SLC23A1: variants seen among roughly 807,000 people sequenced by gnomAD.
SLC23A1 encodes Na(+)/L-ascorbic acid transporter 1.
In SLC23A1, 31 loss-of-function variants were observed where a neutral mutation model predicts 62.5. The observed-to-expected ratio is 0.50, with a 90% CI of 0.37 to 0.67. The LOEUF is 0.67. Among genes scored for constraint, SLC23A1 ranks in the 30% least tolerant of loss-of-function variants. SLC23A1 has a pLI of 0.00. For missense variants in SLC23A1, 640 were observed against 782.7 expected, an observed-to-expected ratio of 0.82 and a Z score of 2.18; for synonymous variants, 271 against 313.2, an observed-to-expected ratio of 0.87 and a Z score of 1.42.
upstream of SLC23A1, chr5:139,384,255 G>A (rs1488539861): frequency 6.6e-6 from 6 of 915,592 alleles, no homozygotes; most frequent in South Asian, 1.7e-5. Context: ...ATGGGGAGGG[G>A]CCCTAAGAAC....
At chr5:139,383,120 G>A (rs993166339) in intron 1 of SLC23A1, 98 bp downstream of exon 1, 19 of 789,630 alleles carry the variant, frequency 2.4e-5, no homozygotes, top group Non-Finnish European at 3.4e-5. Flanking sequence ...AAGTTCATCA[G>A]AACGTTTATC....
intron 14 of SLC23A1, among the ~76,000 whole-genome samples, chr5:139,370,758 G>T (rs1757614635): frequency 6.6e-6 from 1 of 151,764 alleles, no homozygotes; most frequent in Non-Finnish European, 1.5e-5. Context: ...AAAGATTCTT[G>T]AATGTGGCTT....
Position 139,378,149 on chromosome 5 carries a change from C to T in SLC23A1, c.1310-31G>A, listed in dbSNP as rs1758037041. ...GGCGCAAGAGAACGGCTGGAGGCGC[C>T]GCACACGCGTAATCCAGGTGAGTCC... On this transcript the variant is annotated intron_variant, in intron 11 of 14. Coordinates refer to ENST00000348729, the MANE Select transcript of SLC23A1 (RefSeq NM_005847.5). This position sits in a 1 kb window ranked among gnomAD's most constrained non-coding sequence, Gnocchi z 4.5. 1 of 1,613,822 alleles carries T rather than the reference C, an allele frequency of 6.2e-7. No individual in the cohort carries two copies. Among genetic ancestry groups the T allele is most frequent in the Non-Finnish European group, 8.5e-7 (1 of 1,179,896 alleles).
chr5:139,376,471 A>G (rs571679562), intron 13 of SLC23A1, among the ~76,000 whole-genome samples: 1 of 152,284 alleles, frequency 6.6e-6, no homozygotes, highest in African/African-American at 2.4e-5. Context: ...CTCGGCCGTG[A>G]TGTTTTAATT....
chr5:139,380,343 C>T lies in SLC23A1; in HGVS notation c.512G>A (p.Gly171Asp). The T allele has an allele frequency of 6.2e-7, 1 of 1,611,996 alleles. No individual in the cohort carries two copies. Among genetic ancestry groups the T allele is most frequent in the East Asian group, 2.2e-5 (1 of 44,814 alleles). ...MVSSVVEVVIGLLGLPGALLN... is the reference protein window; with the variant it reads ...MVSSVVEVVIDLLGLPGALLN... The stretch of plus-strand genomic sequence containing the variant: ...CAGGGCCCCAGGCAGCCCCAGCAGG[C>T]CAATCACCACCTCCACCACGCTGGA... Residue 171 changes from glycine to aspartate, a missense_variant, in exon 6 of 15, where the codon GGC (glycine) becomes GAC (aspartate). Coordinates refer to ENST00000348729, the MANE Select transcript of SLC23A1 (RefSeq NM_005847.5).
rs942861432 is a variant in SLC23A1 at position 139,383,233 on chromosome 5, G to A, written c.21C>T (p.Leu7=). Residue 7 remains leucine (L), a synonymous_variant, in exon 1 of 15, where the codon CTC becomes CTT. Coordinates refer to ENST00000348729, the MANE Select transcript of SLC23A1 (RefSeq NM_005847.5). ...CCCCCAGCACCTGTGTCCGGCCCTC[G>A]AGGTCCTCCTGGGCCCTCATCTTTG... MRAQED[L]EGRTQHETTR... is the part of the protein sequence containing the mutation. The A allele has an allele frequency of 7.0e-7, 1 of 1,430,468 alleles. No individual in the cohort carries two copies. The allele number at this position is 1,430,468 out of a possible 1,614,324, so 88.6% of individuals were successfully genotyped here.
At chr5:139,380,986 G>A (rs1355174336) in intron 3 of SLC23A1, 100 bp from the exon 4 acceptor site, 3 of 650,842 alleles carry the variant, frequency 4.6e-6, no homozygotes, top group African/African-American at 3.6e-5. Context: ...CAGAGAGAGT[G>A]ACAGAGACAC....
intron 14 of SLC23A1, 149 bp downstream of exon 14, chr5:139,371,838 T>C (rs1757686125): frequency 1.2e-5 from 8 of 683,204 alleles, no homozygotes; most frequent in Non-Finnish European, 2.0e-5. Context: ...AAAATCCGTA[T>C]GTTGACTTTT....
rs1272005154 is a variant in SLC23A1 at position 139,378,199 on chromosome 5, C to T, written c.1309+23G>A. The T allele has an allele frequency of 6.8e-6, 11 of 1,612,688 alleles. No individual in the cohort carries two copies. Among genetic ancestry groups the T allele is most frequent in the South Asian group, 2.2e-5 (2 of 90,950 alleles). On this transcript the variant is annotated intron_variant, in intron 11 of 14. Transcript: ENST00000348729. The surrounding 1 kb of genome is among the most constrained non-coding windows in gnomAD (Gnocchi z 4.5). ...CCACTCGGCGACCCGCACCGCGACC[C>T]GTGGCCCGCGCCAGACACTCACCAA...
Position 139,379,559 on chromosome 5 carries a change from G to C in SLC23A1, c.925+119C>G, listed in dbSNP as rs1277509302. On this transcript the variant is annotated intron_variant, in intron 8 of 14. Transcript: ENST00000348729. This position sits in a 1 kb window ranked among gnomAD's most constrained non-coding sequence, Gnocchi z 4.7. ...GTCTAAGTAAAACACCACTCTGCTGGGCGCACTATAAATGTGCGGCTAATG... is the reference window on the plus strand; with the variant it reads ...GTCTAAGTAAAACACCACTCTGCTGCGCGCACTATAAATGTGCGGCTAATG... 1 of 1,121,304 alleles carries C rather than the reference G, an allele frequency of 8.9e-7. No homozygotes were observed. The highest frequency in any genetic ancestry group is 1.3e-6 in the Non-Finnish European group (1 of 753,834). 69.5% of individuals were successfully genotyped at this position (1,121,304 alleles called of 1,614,324 possible). A position where few individuals can be genotyped will look rare whatever the true frequency, so the allele number is the denominator to read the frequency against.
intron 14 of SLC23A1, chr5:139,369,431 T>C (rs1351705238): frequency 6.5e-6 from 1 of 152,712 alleles, no homozygotes; most frequent in African/African-American, 2.4e-5. Context: ...GCATCATAGC[T>C]ATGCCTGTAT....
At position 139,381,882 on chromosome 5, in the gene SLC23A1, G is replaced by A. The variant is rs551035692; in HGVS notation, c.308+10C>T. The stretch of plus-strand genomic sequence containing the variant: ...TGGCGGGGGACGGGTTGGGGGGCTG[G>A]GCGGCTCACCGGATGCCCACGGTGG... On this transcript the variant is annotated intron_variant, in intron 3 of 14. Transcript: ENST00000348729. The A allele has an allele frequency of 6.5e-7, 1 of 1,550,386 alleles. No individual in the cohort carries two copies. The highest frequency in any genetic ancestry group is 2.4e-5 in the East Asian group (1 of 41,122).
chr5:139,382,095 C>T, intron 2 of SLC23A1, 46 bp from the exon 3 acceptor site: 4 of 1,565,160 alleles, frequency 2.6e-6, no homozygotes, highest in Non-Finnish European at 2.6e-6. Flanking sequence ...GACCCCAGAG[C>T]TCCAGGGAGA....
At chr5:139,381,372 G>A (rs1010133103) in intron 3 of SLC23A1, among the ~76,000 whole-genome samples, 5 of 151,664 alleles carry the variant, frequency 3.3e-5, no homozygotes, top group South Asian at 2.1e-4. Flanking sequence ...GGGGAGAGCC[G>A]GCTAGGCTTG....
chr5:139,371,474 G>C (rs1757664075), intron 14 of SLC23A1, among the ~76,000 whole-genome samples: 1 of 152,178 alleles, frequency 6.6e-6, no homozygotes, highest in African/African-American at 2.4e-5. Context: ...CACCTCATCA[G>C]GGCTTGTACA....
chr5:139,381,892 C>T lies in SLC23A1; in HGVS notation c.308G>A (p.Arg103Gln), dbSNP rs1195139832. Residue 103 changes from arginine (R) to glutamine (Q), a missense_variant and splice_region_variant, in exon 3 of 15, where the codon CGG becomes CAG. Arg to Gln is a conservative substitution (Grantham distance 43). Coordinates refer to ENST00000348729, the MANE Select transcript of SLC23A1 (RefSeq NM_005847.5). ...TTLIQTTVGI[R>Q]LPLFQASAFA... The stretch of plus-strand genomic sequence containing the variant: ...CGGGTTGGGGGGCTGGGCGGCTCAC[C>T]GGATGCCCACGGTGGTCTGGATGAG... 9.7e-6 allele frequency: 15 copies of T among 1,554,236 alleles called. No individual in the cohort carries two copies. The highest frequency in any genetic ancestry group is 1.2e-5 in the South Asian group (1 of 84,242).
rs1012829681 is a variant in SLC23A1, at chr5:139,378,990, C to T, written c.1073+217G>A. Among the ~76,000 whole-genome samples the T allele has an allele frequency of 9.2e-5, 14 of 152,154 alleles. No homozygotes were observed. Among genetic ancestry groups the T allele is most frequent in the Admixed American group, 4.6e-4 (7 of 15,266 alleles). On this transcript the variant is annotated intron_variant, in intron 9 of 14. Transcript: ENST00000348729. This position sits in a 1 kb window ranked among gnomAD's most constrained non-coding sequence, Gnocchi z 4.5. Reference sequence around the variant, plus strand: ...CGGGCACATGGAGGGCTGTCAATGACGGTGGTTCCCTTTGGACTCCACCAT... The same window carrying T: ...CGGGCACATGGAGGGCTGTCAATGATGGTGGTTCCCTTTGGACTCCACCAT...
rs1259344091 is a variant in SLC23A1 at position 139,379,248 on chromosome 5, G to A, written c.1032C>T (p.Arg344=). 6.2e-7 allele frequency: 1 copy of A among 1,614,068 alleles called. No homozygotes were observed. The highest frequency in any genetic ancestry group is 8.5e-7 in the Non-Finnish European group (1 of 1,180,022). Residue 344 remains arginine (R), a synonymous_variant, in exon 9 of 15, where the codon CGC becomes CGT. Coordinates refer to ENST00000348729, the MANE Select transcript of SLC23A1 (RefSeq NM_005847.5). The surrounding 1 kb of genome is among the most constrained non-coding windows in gnomAD (Gnocchi z 4.7). ...ESIGDYYACA[R]LAGAPPPPVH... is the part of the protein sequence containing the mutation. ...CTGGAGGGGGTGGTGCACCAGCCAG[G>A]CGGGCACAGGCGTAGTAATCTCCGA...
Position 139,382,514 on chromosome 5 carries a change from A to G in SLC23A1, c.128T>C (p.Leu43Pro). ...YKIEDVPPWY[L>P]CILLGFQHYL... is the part of the protein sequence containing the mutation. ...CACCTGGAAGCCCAGCAGGATGCACAGGTACCAAGGTGGCACGTCCTCGAT... is the reference window on the plus strand; with the variant it reads ...CACCTGGAAGCCCAGCAGGATGCACGGGTACCAAGGTGGCACGTCCTCGAT... Residue 43 changes from leucine (L) to proline (P), a missense_variant, in exon 2 of 15, where the codon CTG becomes CCG. Transcript: ENST00000348729. The G allele has an allele frequency of 6.2e-7, 1 of 1,612,100 alleles. No individual in the cohort carries two copies. Among genetic ancestry groups the G allele is most frequent in the Non-Finnish European group, 8.5e-7 (1 of 1,178,364 alleles).
Sources: gnomAD v4.1 joint callset for allele counts (sites outside exome capture counted in the v4.1 genomes callset) on GRCh38, gnomAD v4.1.1 for gene constraint, Gnocchi (gnomAD v3.1) non-coding constraint, MANE v1.5 for transcripts, NCBI Gene and HGNC (gene_info 2026-07-23, HGNC 2026-07-21) for gene names.